Variants in KHDRBS2 observed in about 807,000 individuals in gnomAD.
KHDRBS2 encodes KH RNA binding domain containing, signal transduction associated 2.
In KHDRBS2, 26 loss-of-function variants were observed where a neutral mutation model predicts 44.3. That is an observed-to-expected ratio of 0.59 (90% CI 0.43 to 0.81). The LOEUF (loss-of-function observed/expected upper bound fraction) is 0.81. Among genes scored for constraint, KHDRBS2 ranks in the 40% least tolerant of loss-of-function variants. KHDRBS2 has a pLI of 0.00. For missense variants in KHDRBS2, 476 were observed against 433.1 expected (o/e 1.10, Z -0.88); for synonymous variants, 194 against 151.1 (o/e 1.28, Z -2.08).
intron 2 of KHDRBS2, among the ~76,000 whole-genome samples, chr6:62,090,215 C>A (rs1799238098): frequency 1.3e-5 from 2 of 152,172 alleles, no homozygotes; most frequent in Admixed American, 1.3e-4. Context: ...AAGGAAATGG[C>A]TCCTTCACCA....
intron 1 of KHDRBS2, among the ~76,000 whole-genome samples, chr6:62,219,653 G>A (rs948716015): frequency 4.6e-5 from 7 of 150,974 alleles, no homozygotes; most frequent in Non-Finnish European, 1.0e-4. Flanking sequence ...GATAATATAG[G>A]TTTATTTTTC....
intron 6 of KHDRBS2, 92 bp from the exon 7 acceptor site, chr6:61,732,856 G>A: frequency 1.4e-6 from 1 of 740,426 alleles, no homozygotes; most frequent in Non-Finnish European, 2.5e-6. Flanking sequence ...ATGTGATCTT[G>A]GTTTAGATTT....
At chr6:61,692,787 C>G (rs1489130171) in intron 8 of KHDRBS2, among the ~76,000 whole-genome samples, 1 of 152,076 alleles carries the variant, frequency 6.6e-6, no homozygotes, top group African/African-American at 2.4e-5. Flanking sequence ...GAGAGCATTC[C>G]TTCTTCCTCT....
At chr6:62,051,831 G>C (rs1239868977) in intron 2 of KHDRBS2, among the ~76,000 whole-genome samples, 1 of 151,830 alleles carries the variant, frequency 6.6e-6, no homozygotes. Flanking sequence ...GATCTAAATA[G>C]ACACTTATAA....
intron 2 of KHDRBS2, among the ~76,000 whole-genome samples, chr6:62,072,240 G>A (rs1795299354): frequency 6.6e-6 from 1 of 152,136 alleles, no homozygotes; most frequent in Admixed American, 6.6e-5. Flanking sequence ...GGAGATTTTG[G>A]GCTGAGACGA....
the KHDRBS2 span, chr6:61,652,263 G>C: frequency 6.6e-6 from 1 of 151,944 alleles, no homozygotes; most frequent in East Asian, 1.9e-4. Context: ...ACTTCTGTTA[G>C]GCTCTGTGTC....
At chr6:61,615,227 C>A in the KHDRBS2 span, among the ~76,000 whole-genome samples, 3 of 32,364 alleles carry the variant, frequency 9.3e-5, no homozygotes, top group Non-Finnish European at 1.9e-4. Flanking sequence ...AGCAAGACTC[C>A]ATCTCCAAAA....
At chr6:61,772,456 C>A (rs993689850) in intron 6 of KHDRBS2, among the ~76,000 whole-genome samples, 1 of 151,872 alleles carries the variant, frequency 6.6e-6, no homozygotes, top group Non-Finnish European at 1.5e-5. Flanking sequence ...ATAAAATAGA[C>A]ACAATAAAAA....
the KHDRBS2 span, among the ~76,000 whole-genome samples, chr6:61,625,606 G>A: frequency 1.3e-5 from 2 of 152,006 alleles, no homozygotes; most frequent in African/African-American, 2.4e-5. Context: ...TAAGCTGAGA[G>A]CCCATCTTTG....
At chr6:61,736,322 G>T (rs1166093009) in intron 6 of KHDRBS2, among the ~76,000 whole-genome samples, 1 of 150,608 alleles carries the variant, frequency 6.6e-6, no homozygotes, top group African/African-American at 2.4e-5. Flanking sequence ...TTAGCCCAAG[G>T]TCTCATCTCC....
chr6:61,876,604 T>C (rs1032067823), intron 6 of KHDRBS2, among the ~76,000 whole-genome samples: 2 of 152,036 alleles, frequency 1.3e-5, no homozygotes, highest in Non-Finnish European at 2.9e-5. Flanking sequence ...GAAAATGAGA[T>C]TGTTTTCTCC....
intron 3 of KHDRBS2, among the ~76,000 whole-genome samples, chr6:61,978,479 C>A (rs534465389): frequency 1.4e-3 from 219 of 152,072 alleles, no homozygotes; most frequent in African/African-American, 5.0e-3. Flanking sequence ...AAATGCTAAA[C>A]CCCTGAAAAT....
intron 7 of KHDRBS2, among the ~76,000 whole-genome samples, chr6:61,722,752 C>T (rs1457235766): frequency 6.6e-6 from 1 of 151,344 alleles, no homozygotes; most frequent in Non-Finnish European, 1.5e-5. Context: ...CTCTGTCACC[C>T]AGGCTGGAGT....
At chr6:61,621,467 C>A in the KHDRBS2 span, among the ~76,000 whole-genome samples, 1 of 152,148 alleles carries the variant, frequency 6.6e-6, no homozygotes, top group African/African-American at 2.4e-5. Flanking sequence ...AGTGAAAGAG[C>A]TGACACAGCT....
chr6:61,820,403 T>G (rs1182479487), intron 6 of KHDRBS2, among the ~76,000 whole-genome samples: 4 of 151,870 alleles, frequency 2.6e-5, no homozygotes, highest in Non-Finnish European at 5.9e-5. Flanking sequence ...TATAAGATTT[T>G]GGGCTTGAGC....
chr6:62,038,914 T>G (rs1434467933), intron 3 of KHDRBS2, among the ~76,000 whole-genome samples: 2 of 152,036 alleles, frequency 1.3e-5, no homozygotes, highest in Non-Finnish European at 2.9e-5. Context: ...GGTTTGACAT[T>G]AAAATTACCC....
At chr6:61,730,088 A>T (rs561197541) in intron 7 of KHDRBS2, among the ~76,000 whole-genome samples, 66 of 152,288 alleles carry the variant, frequency 4.3e-4, no homozygotes, top group African/African-American at 1.4e-3. Context: ...TGAAAAAAAT[A>T]GTTTACTAAT....
chr6:61,667,536 C>A, the KHDRBS2 span, among the ~76,000 whole-genome samples: 2 of 151,118 alleles, frequency 1.3e-5, no homozygotes, highest in East Asian at 3.9e-4. Context: ...AAGAAAAAAA[C>A]CATTAAGCCT....
chr6:61,998,702 T>A (rs538522595), intron 3 of KHDRBS2, among the ~76,000 whole-genome samples: 1 of 152,062 alleles, frequency 6.6e-6, no homozygotes, highest in African/African-American at 2.4e-5. Flanking sequence ...TCCAAATTCA[T>A]GCCAATAATT....
Sources: allele counts gnomAD v4.1 joint callset (sites outside exome capture counted in the v4.1 genomes callset), GRCh38; gene constraint gnomAD v4.1.1; transcripts MANE v1.5; gene names NCBI Gene and HGNC (gene_info 2026-07-23, HGNC 2026-07-21).